Variants in EWSR1 observed in about 807,000 individuals in gnomAD.
The protein encoded by EWSR1 is EWS RNA binding protein 1, also known as RNA-binding protein EWS.
Under a neutral mutation model 92.1 loss-of-function variants are expected in EWSR1, and 14 were observed. The observed-to-expected ratio is 0.15, with a 90% CI of 0.10 to 0.24. The LOEUF is 0.24. Ranked by LOEUF, EWSR1 falls within the 10% of genes least tolerant of loss-of-function variation. The pLI is 1.00. For missense variants in EWSR1, 637 were observed against 870.9 expected (o/e 0.73, Z 3.38); for synonymous variants, 303 against 292.9 (o/e 1.03, Z -0.35).
chr22:29,275,909 CTGGTCTTT>C (rs1427813408), intron 4 of EWSR1: 1 of 225,428 alleles, frequency 4.4e-6, no homozygotes, highest in Non-Finnish European at 8.7e-6. Flanking sequence ...TTTTTTGCCA[CTGGTCTTT>C]TGTTTTTTTG....
chr22:29,292,255 T>G, intron 10 of EWSR1, 86 bp downstream of exon 10: 3 of 1,310,654 alleles, frequency 2.3e-6, no homozygotes, highest in Non-Finnish European at 3.3e-6. Flanking sequence ...TTCAGCAGCC[T>G]TATAGACCAG....
At chr22:29,280,365 G>C (rs1021051807) in intron 5 of EWSR1, among the ~76,000 whole-genome samples, 15 of 152,182 alleles carry the variant, frequency 9.9e-5, no homozygotes, top group African/African-American at 3.4e-4. Flanking sequence ...ACCGCACCCG[G>C]CCTGCCTGTT....
intron 4 of EWSR1, chr22:29,275,609 T>C: frequency 4.4e-6 from 1 of 229,480 alleles, no homozygotes. Context: ...AGCAGGAGCC[T>C]AATTGGTAGT....
At chr22:29,273,719 C>T in intron 3 of EWSR1, 22 bp from the exon 4 acceptor site, 1 of 1,599,588 alleles carries the variant, frequency 6.3e-7, no homozygotes, top group Non-Finnish European at 8.5e-7. Context: ...GAAGTTCTTG[C>T]ATTCGTTTTT....
In EWSR1 at chr22:29,299,630, C is replaced by T; in HGVS notation, c.1710C>T (p.Gly570=). 6.2e-7 allele frequency: 1 copy of T among 1,606,312 alleles called. No individual in the cohort carries two copies. Among genetic ancestry groups the T allele is most frequent in the Non-Finnish European group, 8.5e-7 (1 of 1,175,838 alleles). The change falls in exon 16 of 17, where the codon GGC becomes GGT. Residue 570 remains glycine, a synonymous_variant. Coordinates refer to ENST00000397938, the MANE Select transcript of EWSR1 (RefSeq NM_005243.4). ...GGDRGRGGPG[G]MRGGRGGLMD... is the part of the protein sequence containing the mutation. ...ATCGTGGCAGAGGTGGCCCTGGTGG[C>T]ATGCGGGGAGGAAGAGGTGGCCTCA...
chr22:29,296,177 G>C, intron 11 of EWSR1, 62 bp from the exon 12 acceptor site: 1 of 1,537,268 alleles, frequency 6.5e-7, no homozygotes, highest in Non-Finnish European at 8.8e-7. Context: ...GATTTTGCCT[G>C]GACTTTTTTC....
intron 6 of EWSR1, among the ~76,000 whole-genome samples, chr22:29,283,973 T>A (rs2059820122): frequency 6.6e-6 from 1 of 151,326 alleles, no homozygotes; most frequent in Admixed American, 6.6e-5. Context: ...TAGCTGGGAT[T>A]AGATACAGAC....
intron 1 of EWSR1, 32 bp downstream of exon 1, chr22:29,268,381 G>T: frequency 6.2e-7 from 1 of 1,613,904 alleles, no homozygotes; most frequent in Non-Finnish European, 8.5e-7. Flanking sequence ...TCGCGCCGGC[G>T]GTAGCCGGAA....
At chr22:29,298,951 C>T in intron 14 of EWSR1, 56 bp downstream of exon 14, 1 of 1,484,480 alleles carries the variant, frequency 6.7e-7, no homozygotes, top group Non-Finnish European at 9.0e-7. Context: ...CCTTCCCTCA[C>T]CCCATCCCCA....
chr22:29,281,128 C>T (rs2059568366), intron 5 of EWSR1, among the ~76,000 whole-genome samples: 1 of 152,116 alleles, frequency 6.6e-6, no homozygotes, highest in Admixed American at 6.6e-5. Context: ...ATCCTCCTGT[C>T]TCAGCCTCCC....
intron 6 of EWSR1, among the ~76,000 whole-genome samples, chr22:29,283,020 C>G (rs888166694): frequency 2.0e-5 from 3 of 152,186 alleles, no homozygotes; most frequent in Admixed American, 6.5e-5. Context: ...TCTCGGCCTC[C>G]CACAGTGCTG....
intron 8 of EWSR1, chr22:29,290,640 A>G: frequency 7.0e-7 from 1 of 1,425,908 alleles, no homozygotes; most frequent in Non-Finnish European, 9.2e-7. Context: ...GAGGTATAAT[A>G]CTCTAGAATT....
At chr22:29,269,121 C>T (rs950230869) in intron 1 of EWSR1, 10 of 152,246 alleles carry the variant, frequency 6.6e-5, no homozygotes. Context: ...CGAGGGACAT[C>T]CGTTGTATAA....
At chr22:29,275,356 T>C (rs748497554) in intron 4 of EWSR1, among the ~76,000 whole-genome samples, 13 of 152,206 alleles carry the variant, frequency 8.5e-5, no homozygotes, top group South Asian at 2.1e-4. Context: ...TCTAGAGCCA[T>C]GTATCACATT....
chr22:29,293,364 C>T (rs1473057913), intron 11 of EWSR1, among the ~76,000 whole-genome samples: 3 of 152,088 alleles, frequency 2.0e-5, no homozygotes, highest in Non-Finnish European at 4.4e-5. Context: ...CAGATTTTTT[C>T]TTCAGGGATT....
intron 1 of EWSR1, among the ~76,000 whole-genome samples, chr22:29,270,460 A>C (rs910902679): frequency 6.6e-6 from 1 of 151,652 alleles, no homozygotes; most frequent in Non-Finnish European, 1.5e-5. Flanking sequence ...GTTTGCATCA[A>C]CCTAATAGCT....
intron 6 of EWSR1, among the ~76,000 whole-genome samples, chr22:29,286,175 A>G (rs1423424058): frequency 6.9e-6 from 1 of 145,228 alleles, no homozygotes; most frequent in East Asian, 2.1e-4. Context: ...CGGAATCTTC[A>G]CTCTGTTCCC....
At chr22:29,299,130 T>C in intron 14 of EWSR1, 104 bp from the exon 15 acceptor site, 1 of 1,600,000 alleles carries the variant, frequency 6.3e-7, no homozygotes, top group Non-Finnish European at 8.5e-7. Context: ...TGGGTGTACA[T>C]AGATCCTCTT....
At chr22:29,299,898 G>A (rs765818171) in intron 16 of EWSR1, 47 bp downstream of exon 16, 1 of 1,533,948 alleles carries the variant, frequency 6.5e-7, no homozygotes, top group South Asian at 1.3e-5. Flanking sequence ...CACAGTAAGA[G>A]GACAGCCCTT....
Sources: gnomAD v4.1 joint callset for allele counts (sites outside exome capture counted in the v4.1 genomes callset) on GRCh38, gnomAD v4.1.1 for gene constraint, MANE v1.5 for transcripts, NCBI Gene and HGNC (gene_info 2026-07-23, HGNC 2026-07-21) for gene names.